Variants in CCDC171 observed in about 807,000 individuals in gnomAD.
The protein encoded by CCDC171 is coiled-coil domain containing 171.
A neutral mutation model predicts 168.2 loss-of-function variants in CCDC171; 177 were observed. The ratio of observed to expected loss-of-function variants is 1.05; its 90% confidence interval spans 0.93 to 1.19. The LOEUF is 1.19. CCDC171 is among the 50% of genes most tolerant of loss of function. CCDC171 has a pLI of 0.00. For missense variants in CCDC171, 1,991 were observed against 1,539.0 expected (o/e 1.29, Z -4.91); for synonymous variants, 687 against 540.8 (o/e 1.27, Z -3.75).
downstream of CCDC171, among the ~76,000 whole-genome samples, chr9:16,066,605 T>TC (rs1207109768): frequency 1.0e-5 from 1 of 96,018 alleles, no homozygotes; most frequent in African/African-American, 4.0e-5. Flanking sequence ...ATGCTATCCC[T>TC]CCCCCCTCCC....
At chr9:15,994,753 A>G (rs1042636026) in intron 3 of CCDC171, among the ~76,000 whole-genome samples, 6 of 152,156 alleles carry the variant, frequency 3.9e-5, no homozygotes, top group Non-Finnish European at 7.4e-5. Context: ...TATTCTTACA[A>G]TCACCTTGAT....
chr9:15,867,961 T>C (rs368639385), intron 23 of CCDC171, among the ~76,000 whole-genome samples: 2 of 152,054 alleles, frequency 1.3e-5, no homozygotes, highest in South Asian at 2.1e-4. Context: ...TTATAAGATG[T>C]CCATGATTAA....
intron 3 of CCDC171, among the ~76,000 whole-genome samples, chr9:15,979,865 T>C (rs986706127): frequency 5.3e-5 from 8 of 152,038 alleles, no homozygotes; most frequent in Non-Finnish European, 1.0e-4. Flanking sequence ...TAATGTTAAT[T>C]TTTTGAACAT....
intron 21 of CCDC171, among the ~76,000 whole-genome samples, chr9:15,835,479 G>A (rs1486653430): frequency 6.6e-6 from 1 of 152,172 alleles, no homozygotes; most frequent in Non-Finnish European, 1.5e-5. Context: ...CCAGGCTGGA[G>A]TACAATGGCG....
chr9:15,631,960 A>G (rs2045747978), intron 7 of CCDC171, among the ~76,000 whole-genome samples: 1 of 152,228 alleles, frequency 6.6e-6, no homozygotes, highest in South Asian at 2.1e-4. Flanking sequence ...GCCTTTGACA[A>G]AATTCAACAA....
chr9:16,015,819 C>T lies in CCDC171; in HGVS notation n.369-4770C>T, dbSNP rs144835272. 6.9e-3 allele frequency among the ~76,000 whole-genome samples: 1,044 copies of T among 152,296 alleles called. 5 individuals carry two copies. Among genetic ancestry groups the T allele is most frequent in the Non-Finnish European group, 0.01 (697 of 68,022 alleles). ...TTACAACCACGATTCTACTTTCTGT[C>T]TATGAATTTTACTATTCTAAGTATT... is the stretch of plus-strand genomic sequence containing the variant. On this transcript the variant is annotated intron_variant and non_coding_transcript_variant, in intron 3 of 9. Coordinates refer to the CCDC171 transcript ENST00000486641.
intron 3 of CCDC171, among the ~76,000 whole-genome samples, chr9:15,986,927 G>C (rs545740416): frequency 1.5e-5 from 2 of 136,266 alleles, no homozygotes; most frequent in Non-Finnish European, 3.1e-5. Flanking sequence ...CATGGCATTA[G>C]AATTACTTGC....
intron 3 of CCDC171, among the ~76,000 whole-genome samples, chr9:16,019,064 A>C (rs1833098910): frequency 6.6e-6 from 1 of 152,260 alleles, no homozygotes; most frequent in Non-Finnish European, 1.5e-5. Context: ...AATCTGTTGC[A>C]AAGGCAAAAC....
intron 16 of CCDC171, among the ~76,000 whole-genome samples, chr9:15,734,326 C>T (rs1336922757): frequency 6.6e-6 from 1 of 151,996 alleles, no homozygotes; most frequent in East Asian, 1.9e-4. Flanking sequence ...ACCTTGAGGT[C>T]AGAAGTTTGA....
At chr9:15,956,776 A>G (rs569667615) in intron 25 of CCDC171, among the ~76,000 whole-genome samples, 15 of 152,300 alleles carry the variant, frequency 9.8e-5, no homozygotes, top group Admixed American at 3.9e-4. Flanking sequence ...GAGTTTGTCC[A>G]TAAGTGCATG....
chr9:15,576,335 A>G (rs900293980), intron 3 of CCDC171, among the ~76,000 whole-genome samples: 2 of 151,920 alleles, frequency 1.3e-5, no homozygotes, highest in African/African-American at 4.8e-5. Context: ...GGTGTGTGCC[A>G]TCACACCTGG....
At chr9:16,099,939 G>A in the CCDC171 span, among the ~76,000 whole-genome samples, 1 of 151,894 alleles carries the variant, frequency 6.6e-6, no homozygotes, top group African/African-American at 2.4e-5. Flanking sequence ...GTGGAAAAAG[G>A]CCAGTCTATG....
At chr9:16,054,934 G>C (rs1389819599) in intron 1 of CCDC171, among the ~76,000 whole-genome samples, 1 of 152,224 alleles carries the variant, frequency 6.6e-6, no homozygotes, top group Non-Finnish European at 1.5e-5. Context: ...AACTACCTTG[G>C]TGAGAACTTA....
At chr9:16,070,485 G>C in the CCDC171 span, among the ~76,000 whole-genome samples, 1 of 152,196 alleles carries the variant, frequency 6.6e-6, no homozygotes, top group Non-Finnish European at 1.5e-5. Flanking sequence ...ATTGCTGGTT[G>C]GGCCTGGGGG....
chr9:15,756,933 T>G (rs1427426119), intron 18 of CCDC171, among the ~76,000 whole-genome samples: 8 of 152,232 alleles, frequency 5.3e-5, no homozygotes, highest in Admixed American at 5.2e-4. Flanking sequence ...ACTGTAATTG[T>G]GAGGCCTCCT....
chr9:16,039,274 G>A (rs1012429373), upstream of CCDC171, among the ~76,000 whole-genome samples: 5 of 152,192 alleles, frequency 3.3e-5, no homozygotes, highest in South Asian at 1.0e-3. Context: ...ACTCCCTCAT[G>A]TGGCTGAGGC....
chr9:15,812,319 A>G (rs1230562569), intron 21 of CCDC171, among the ~76,000 whole-genome samples: 1 of 152,154 alleles, frequency 6.6e-6, no homozygotes, highest in African/African-American at 2.4e-5. Context: ...ATACATACAC[A>G]TAGGTATATA....
chr9:15,651,262 C>T (rs781437435), intron 7 of CCDC171, among the ~76,000 whole-genome samples: 9 of 152,156 alleles, frequency 5.9e-5, no homozygotes, highest in African/African-American at 1.4e-4. Flanking sequence ...GTGCCCGCTA[C>T]GACACCTAGC....
intron 1 of CCDC171, among the ~76,000 whole-genome samples, chr9:15,554,760 G>C (rs945426152): frequency 6.6e-6 from 1 of 152,182 alleles, no homozygotes; most frequent in African/African-American, 2.4e-5. Context: ...TAGTGAAAGA[G>C]GATGGACTTA....
Sources: allele counts gnomAD v4.1 joint callset (sites outside exome capture counted in the v4.1 genomes callset), GRCh38; gene constraint gnomAD v4.1.1; transcripts MANE v1.5; gene names NCBI Gene and HGNC (gene_info 2026-07-23, HGNC 2026-07-21).